EDDM13: variants seen among roughly 807,000 people sequenced by gnomAD.
The protein encoded by EDDM13 is epididymal protein 13.
EDDM13 carries 24 observed loss-of-function variants against 17.8 expected under a neutral mutation model. The ratio of observed to expected loss-of-function variants is 1.35; its 90% CI spans 0.98 to 1.90. The LOEUF (loss-of-function observed/expected upper bound fraction) is 1.90. Among genes scored for constraint, EDDM13 ranks in the 40% most tolerant of loss-of-function variants. The pLI, the probability that EDDM13 is intolerant of heterozygous loss-of-function variation, is 0.00. For missense variants in EDDM13, 97 were observed against 100.8 expected, an observed-to-expected ratio of 0.96 and a Z score of 0.16; for synonymous variants, 31 against 37.5, an observed-to-expected ratio of 0.83 and a Z score of 0.63.
intron 14 of EDDM13, among the ~76,000 whole-genome samples, chr19:56,306,231 C>G (rs138360334): frequency 6.6e-6 from 1 of 152,180 alleles, no homozygotes; most frequent in Non-Finnish European, 1.5e-5. Flanking sequence ...AGAGAAAGTA[C>G]GAAAGACAGA....
chr19:56,302,312 C>T (rs115890393), intron 13 of EDDM13, among the ~76,000 whole-genome samples: 4,177 of 108,126 alleles, frequency 0.039, 207 homozygotes, highest in African/African-American at 0.11. Context: ...CCTCTTTTCT[C>T]CCTCCCTCCC....
Position 56,276,576 on chromosome 19 carries a change from G to A in EDDM13, c.103+467G>A, listed in dbSNP as rs1040458768. On this transcript the variant is annotated intron_variant, in intron 2 of 14. Transcript: ENST00000649256. ...TTTTTGAGACGAGCCTCGCTCTGTC[G>A]CCCAGGCTGGAGTGTAGTGGTGCGA... Among the ~76,000 whole-genome samples the A allele has an allele frequency of 6.1e-5, 9 of 147,376 alleles. No homozygotes were observed. The East Asian group carries it at 1.4e-3, about 23-fold the overall frequency.
chr19:56,282,053 T>C (rs2038752345), intron 3 of EDDM13, among the ~76,000 whole-genome samples: 1 of 152,194 alleles, frequency 6.6e-6, no homozygotes, highest in African/African-American at 2.4e-5. Flanking sequence ...CTCTAGAATG[T>C]ACACCTGGGT....
chr19:56,302,219 C>T (rs145406086), intron 13 of EDDM13, 124 bp downstream of exon 13: 5 of 552,548 alleles, frequency 9.0e-6, no homozygotes, highest in South Asian at 9.9e-5. Context: ...GGTGGGAGAG[C>T]CCTTCTGTAA....
chr19:56,297,627 A>G, intron 12 of EDDM13, 96 bp downstream of exon 12: 2 of 730,486 alleles, frequency 2.7e-6, no homozygotes, highest in Non-Finnish European at 3.3e-6. Flanking sequence ...ATTTCAGGTA[A>G]TCAAGGCCCT....
intron 1 of EDDM13, among the ~76,000 whole-genome samples, 193 bp from the exon 2 acceptor site, chr19:56,275,899 T>A (rs1237396734): frequency 6.6e-6 from 1 of 152,236 alleles, no homozygotes; most frequent in Non-Finnish European, 1.5e-5. Context: ...ACGAATGGAC[T>A]TATCGATGGA....
At chr19:56,279,525 T>TA (rs2038523040) in intron 2 of EDDM13, among the ~76,000 whole-genome samples, 1 of 152,194 alleles carries the variant, frequency 6.6e-6, no homozygotes. Flanking sequence ...ACTGAGAATT[T>TA]AAAATACGTC....
intron 13 of EDDM13, 85 bp downstream of exon 13, chr19:56,302,180 G>C (rs767905330): frequency 3.8e-5 from 40 of 1,055,516 alleles, no homozygotes; most frequent in Non-Finnish European, 4.7e-5. Flanking sequence ...AAGCGAAGGA[G>C]GGTGCCTCAG....
chr19:56,303,900 T>C (rs1215980707), intron 13 of EDDM13, among the ~76,000 whole-genome samples: 10 of 152,148 alleles, frequency 6.6e-5, no homozygotes, highest in Admixed American at 5.2e-4. Flanking sequence ...AAAGCAGGCA[T>C]GCACAGCAGA....
At chr19:56,300,777 C>T (rs1318386423) in intron 12 of EDDM13, among the ~76,000 whole-genome samples, 11 of 151,680 alleles carry the variant, frequency 7.3e-5, no homozygotes, top group Admixed American at 5.9e-4. Flanking sequence ...GATTGGAAAC[C>T]TGTTTAGACA....
intron 14 of EDDM13, among the ~76,000 whole-genome samples, chr19:56,307,309 C>G (rs1014631912): frequency 6.6e-5 from 10 of 152,178 alleles, no homozygotes; most frequent in South Asian, 2.1e-4. Flanking sequence ...ATACCCCCAC[C>G]CCCTGCTGCA....
At chr19:56,273,473 T>C (rs1449686915) in intron 1 of EDDM13, among the ~76,000 whole-genome samples, 1 of 77,544 alleles carries the variant, frequency 1.3e-5, no homozygotes, top group Non-Finnish European at 3.6e-5. Context: ...ATGAAAATAG[T>C]TCTGTCTTCA....
In EDDM13 at chr19:56,292,512, T is replaced by G. The variant is rs78527359; in HGVS notation, c.232+1666T>G. Among the ~76,000 whole-genome samples the G allele has an allele frequency of 6.0e-3, 907 of 150,662 alleles. 5 individuals are homozygous for G. Among genetic ancestry groups the G allele is most frequent in the African/African-American group, 0.02 (816 of 41,102 alleles). On this transcript the variant is annotated intron_variant, in intron 9 of 14. Coordinates refer to ENST00000649256, the MANE Select transcript of EDDM13 (RefSeq NM_001354658.2). ...TTTGTTGCCAAGGCTGGTCTTCAAT[T>G]CCGGGGCTCAAGCAATCCTCCTACC...
Position 56,285,012 on chromosome 19 carries a change from C to G in EDDM13, c.142C>G (p.Leu48Val). Residue 48 changes from leucine to valine, a missense_variant, in exon 6 of 15, where the codon CTG becomes GTG. Leu to Val is a conservative substitution (Grantham distance 32, BLOSUM62 1). Transcript: ENST00000649256. The part of the protein sequence containing the change: ...LKGIIGLMSR[L>V]SPDGLRHNIT... ...TTCTTCCTCAGGTCTCATGAGCAGACTGTCACCGGATGGTAAGTGTCAGGA... is the reference window on the plus strand; with the variant it reads ...TTCTTCCTCAGGTCTCATGAGCAGAGTGTCACCGGATGGTAAGTGTCAGGA... The G allele has an allele frequency of 1.0e-6, 1 of 985,388 alleles. No individual in the cohort carries two copies. Among genetic ancestry groups the G allele is most frequent in the Non-Finnish European group, 1.2e-6 (1 of 829,870 alleles). The allele number at this position is 985,388 out of a possible 1,614,324, so 61.0% of individuals were successfully genotyped here.
chr19:56,307,463 A>G (rs1046869104), intron 14 of EDDM13, among the ~76,000 whole-genome samples: 1 of 152,218 alleles, frequency 6.6e-6, no homozygotes, highest in Non-Finnish European at 1.5e-5. Context: ...GCTTTTCATT[A>G]CCAGAGGTAC....
At chr19:56,306,836 T>C (rs370462486) in intron 14 of EDDM13, among the ~76,000 whole-genome samples, 113 of 5,760 alleles carry the variant, frequency 0.02, 1 homozygote, top group African/African-American at 0.035. Flanking sequence ...AGATGGGAGA[T>C]TTCTCTTCCC....
intron 12 of EDDM13, among the ~76,000 whole-genome samples, chr19:56,301,051 G>A (rs1052645930): frequency 6.6e-6 from 1 of 152,114 alleles, no homozygotes; most frequent in African/African-American, 2.4e-5. Context: ...TGGGGGAGAG[G>A]TGGTGGTTTT....
At chr19:56,297,665 C>G in intron 12 of EDDM13, 134 bp downstream of exon 12, 2 of 373,360 alleles carry the variant, frequency 5.4e-6, no homozygotes, top group Non-Finnish European at 7.4e-6. Flanking sequence ...TGAGAGGCTG[C>G]CTTCCTGAAG....
rs776212392 is a variant in EDDM13, at chr19:56,302,026, G to A, written c.354G>A (p.Thr118=). The A allele has an allele frequency of 2.7e-5, 33 of 1,231,858 alleles. No homozygotes were observed. The highest frequency in any genetic ancestry group is 1.7e-4 in the Admixed American group (4 of 23,688). 76.3% of individuals were successfully genotyped at this position (1,231,858 alleles called of 1,614,324 possible). The change falls in exon 13 of 15, where the codon ACG becomes ACA. Residue 118 remains threonine (T), a synonymous_variant. Coordinates refer to ENST00000649256, the MANE Select transcript of EDDM13 (RefSeq NM_001354658.2). ...SRKPLPKRKN[T]WNFLKCAYMV... ...AACCACTCCCCAAGAGGAAGAACAC[G>A]TGGAACTTCCTGAAATGCGCCTACA...
Sources: allele counts gnomAD v4.1 joint callset (sites outside exome capture counted in the v4.1 genomes callset), GRCh38; gene constraint gnomAD v4.1.1; transcripts MANE v1.5; gene names NCBI Gene and HGNC (gene_info 2026-07-23, HGNC 2026-07-21).